Variants in SLC9A2 observed in about 807,000 individuals in gnomAD.
The protein encoded by SLC9A2 is sodium/hydrogen exchanger 2.
SLC9A2 carries 42 observed loss-of-function variants against 71.7 expected under a neutral mutation model. The ratio of observed to expected loss-of-function variants is 0.59; its 90% confidence interval spans 0.46 to 0.76. The LOEUF (loss-of-function observed/expected upper bound fraction) is 0.76, where lower values mean the gene tolerates loss of function less well. Among genes scored for constraint, SLC9A2 ranks in the 30% least tolerant of loss-of-function variants. The pLI, the probability that SLC9A2 is intolerant of heterozygous loss-of-function variation, is 0.00. For missense variants in SLC9A2, 829 were observed against 1,017.4 expected, an observed-to-expected ratio of 0.81 and a Z score of 2.52; for synonymous variants, 396 against 392.5, an observed-to-expected ratio of 1.01 and a Z score of -0.10.
At chr2:102,654,195 CTTTTTTTTTTTT>C (rs34248413) in intron 1 of SLC9A2, among the ~76,000 whole-genome samples, 1 of 89,528 alleles carries the variant, frequency 1.1e-5, no homozygotes, top group African/African-American at 4.7e-5. Context: ...TTGGCTGACT[CTTTTTTTTTTTT>C]TTTTTTTTTT....
intron 11 of SLC9A2, 22 bp from the exon 12 acceptor site, chr2:102,708,097 C>T: frequency 1.3e-6 from 2 of 1,594,524 alleles, no homozygotes; most frequent in Non-Finnish European, 1.7e-6. Flanking sequence ...GCTTGCCCAC[C>T]TTGTCTTTTG....
chr2:102,619,985 G>T lies in SLC9A2; in HGVS notation c.137G>T (p.Ser46Ile), dbSNP rs751331638. The change falls in exon 1 of 12, where the codon AGT (serine) becomes ATT (isoleucine). Residue 46 changes from serine to isoleucine, a missense_variant. Physicochemically the swap from Ser to Ile is moderately radical, Grantham distance 142 (BLOSUM62 -2). Coordinates refer to ENST00000233969, the MANE Select transcript of SLC9A2 (RefSeq NM_003048.6). The surrounding 1 kb of genome is among the most constrained non-coding windows in gnomAD (Gnocchi z 4.3). Reference sequence around the variant, plus strand: ...AACGCGCCGAGGGCCATGGGCACCAGTTCCAGCCCGCCTAGCCCTGCGAGC... The same window carrying T: ...AACGCGCCGAGGGCCATGGGCACCATTTCCAGCCCGCCTAGCCCTGCGAGC... The part of the protein sequence containing the change: ...LLNAPRAMGT[S>I]SSPPSPASVV... 5.0e-6 allele frequency: 8 copies of T among 1,613,808 alleles called. No homozygotes were observed. Among genetic ancestry groups the T allele is most frequent in the Non-Finnish European group, 2.5e-6 (3 of 1,179,968 alleles).
intron 3 of SLC9A2, among the ~76,000 whole-genome samples, chr2:102,667,800 C>T (rs946328251): frequency 2.0e-5 from 3 of 152,002 alleles, no homozygotes; most frequent in African/African-American, 7.2e-5. Flanking sequence ...CCAGGCACAG[C>T]GGCTCATGCC....
chr2:102,657,406 TG>T (rs1177828046), intron 1 of SLC9A2, among the ~76,000 whole-genome samples, 157 bp from the exon 2 acceptor site: 1 of 152,184 alleles, frequency 6.6e-6, no homozygotes, highest in Non-Finnish European at 1.5e-5. Flanking sequence ...GGGAAACCTC[TG>T]GTTTGCACTG....
intron 1 of SLC9A2, among the ~76,000 whole-genome samples, chr2:102,647,253 G>A (rs987770922): frequency 1.3e-5 from 2 of 151,994 alleles, no homozygotes; most frequent in Non-Finnish European, 2.9e-5. Flanking sequence ...GATGACTACT[G>A]GGTAAATAAA....
chr2:102,621,560 C>T (rs940984598), intron 1 of SLC9A2, among the ~76,000 whole-genome samples: 2 of 151,978 alleles, frequency 1.3e-5, no homozygotes, highest in Non-Finnish European at 2.9e-5. Flanking sequence ...TATAATGATT[C>T]GATTAAGTTG....
At chr2:102,652,377 C>T (rs1358818036) in intron 1 of SLC9A2, among the ~76,000 whole-genome samples, 1 of 152,148 alleles carries the variant, frequency 6.6e-6, no homozygotes, top group African/African-American at 2.4e-5. Flanking sequence ...CCCTCTGCTC[C>T]CCTGCAGCCC....
chr2:102,661,801 A>G (rs1056466202), intron 2 of SLC9A2, among the ~76,000 whole-genome samples: 3 of 152,224 alleles, frequency 2.0e-5, no homozygotes, highest in Non-Finnish European at 4.4e-5. Flanking sequence ...TCAAGGGGAG[A>G]CCAACTTTGC....
intron 1 of SLC9A2, among the ~76,000 whole-genome samples, chr2:102,622,531 G>A (rs899661587): frequency 1.3e-5 from 2 of 152,166 alleles, no homozygotes; most frequent in Non-Finnish European, 2.9e-5. Context: ...ACCATGCCGG[G>A]TAGGTGTTGT....
At chr2:102,679,007 G>A (rs1040687131) in intron 3 of SLC9A2, among the ~76,000 whole-genome samples, 1 of 152,178 alleles carries the variant, frequency 6.6e-6, no homozygotes, top group Non-Finnish European at 1.5e-5. Flanking sequence ...AAATCTCTTT[G>A]CAGTAAAAAC....
chr2:102,703,727 T>G (rs113308448), intron 9 of SLC9A2, among the ~76,000 whole-genome samples: 2 of 152,354 alleles, frequency 1.3e-5, no homozygotes, highest in African/African-American at 4.8e-5. Flanking sequence ...ACATGTTTAT[T>G]CTATCAGAAA....
chr2:102,671,233 C>G (rs115938227), intron 3 of SLC9A2, among the ~76,000 whole-genome samples: 1 of 152,180 alleles, frequency 6.6e-6, no homozygotes, highest in East Asian at 1.9e-4. Flanking sequence ...GGTCATTGTA[C>G]GTTACATTGC....
At chr2:102,670,370 T>C (rs1677222597) in intron 3 of SLC9A2, among the ~76,000 whole-genome samples, 1 of 152,064 alleles carries the variant, frequency 6.6e-6, no homozygotes, top group African/African-American at 2.4e-5. Flanking sequence ...TTAGTATTTC[T>C]TTCCTCAAGG....
At chr2:102,674,721 T>G (rs963981480) in intron 3 of SLC9A2, among the ~76,000 whole-genome samples, 3 of 152,212 alleles carry the variant, frequency 2.0e-5, no homozygotes, top group Non-Finnish European at 4.4e-5. Flanking sequence ...AAGGAGGGAT[T>G]TCCTGGCTCA....
rs1677753959 is a variant in SLC9A2, at chr2:102,695,802, A to AATATATATTATATATATATTT, written c.1586+689_1586+690insATATATATTATATATATATTT. On this transcript the variant is annotated intron_variant, in intron 7 of 11. Transcript: ENST00000233969. ...ATTATATATATATTATATATATATT[A>AATATATATTATATATATATTT]TATATATATATAATATATATATAAA... 6.8e-5 allele frequency among the ~76,000 whole-genome samples: 3 copies of AATATATATTATATATATATTT among 44,196 alleles called. 1 individual carries two copies. Among genetic ancestry groups the AATATATATTATATATATATTT allele is most frequent in the African/African-American group, 1.8e-4 (3 of 16,352 alleles). The allele number at this position is 44,196 out of a possible 152,430, so 29.0% of individuals were successfully genotyped here.
At chr2:102,632,139 T>TACAC (rs1235429615) in intron 1 of SLC9A2, among the ~76,000 whole-genome samples, 13 of 56,946 alleles carry the variant, frequency 2.3e-4, no homozygotes, top group Middle Eastern at 9.3e-3. Flanking sequence ...CATATATATG[T>TACAC]ATATATACAT....
At chr2:102,665,777 A>AAAAAG in intron 3 of SLC9A2, among the ~76,000 whole-genome samples, 1 of 124,868 alleles carries the variant, frequency 8.0e-6, no homozygotes, top group Non-Finnish European at 1.6e-5. Context: ...CTGTCTTAAA[A>AAAAAG]AAAAAAAAAA....
At position 102,708,526 on chromosome 2, in the gene SLC9A2, G is replaced by T. The variant is rs778810653; in HGVS notation, c.*37G>T. ...AAAGCAGATCTGAGTGTCTGACCCA[G>T]GACAGCTGTGGTTTGTCACTCTGAA... On this transcript the variant is annotated 3_prime_UTR_variant, in exon 12 of 12. Transcript: ENST00000233969. The T allele has an allele frequency of 6.3e-7, 1 of 1,582,366 alleles. No homozygotes were observed. Among genetic ancestry groups the T allele is most frequent in the South Asian group, 1.2e-5 (1 of 85,278 alleles).
chr2:102,667,069 A>C (rs1242171984), intron 3 of SLC9A2, among the ~76,000 whole-genome samples: 1 of 152,222 alleles, frequency 6.6e-6, no homozygotes, highest in Non-Finnish European at 1.5e-5. Context: ...AAGAGAGTGG[A>C]AGCTGGGGTC....
Sources: allele counts gnomAD v4.1 joint callset (sites outside exome capture counted in the v4.1 genomes callset), GRCh38; gene constraint gnomAD v4.1.1; non-coding constraint Gnocchi (gnomAD v3.1); transcripts MANE v1.5; gene names NCBI Gene and HGNC (gene_info 2026-07-23, HGNC 2026-07-21).